Variants in CYP4X1 observed in about 807,000 individuals in gnomAD.
CYP4X1 encodes the protein cytochrome P450 family 4 subfamily X member 1.
CYP4X1 carries 44 observed loss-of-function variants against 57.9 expected under a neutral mutation model. That is an observed-to-expected ratio of 0.76 (90% CI 0.60 to 0.98). The LOEUF (loss-of-function observed/expected upper bound fraction) is 0.98, where lower values mean the gene tolerates loss of function less well. CYP4X1 is among the 50% of genes least tolerant of loss of function. The pLI is 0.00. For missense variants in CYP4X1, 532 were observed against 623.9 expected, an observed-to-expected ratio of 0.85 and a Z score of 1.57; for synonymous variants, 227 against 228.6, an observed-to-expected ratio of 0.99 and a Z score of 0.06.
intron 7 of CYP4X1, among the ~76,000 whole-genome samples, chr1:47,038,980 T>G (rs1340082703): frequency 6.6e-6 from 1 of 152,178 alleles, no homozygotes; most frequent in Non-Finnish European, 1.5e-5. Context: ...AACGAACGAT[T>G]TGACAAGATT....
At chr1:47,043,436 T>C (rs1644268623) in intron 8 of CYP4X1, among the ~76,000 whole-genome samples, 1 of 152,218 alleles carries the variant, frequency 6.6e-6, no homozygotes, top group South Asian at 2.1e-4. Context: ...TTTCTTTTGC[T>C]GTGCAGAAAC....
the CYP4X1 span, among the ~76,000 whole-genome samples, chr1:46,991,463 A>G: frequency 6.6e-6 from 1 of 152,128 alleles, no homozygotes; most frequent in Non-Finnish European, 1.5e-5. Context: ...ACAACTTAGC[A>G]TCTCTCACTG....
chr1:47,047,695 A>G (rs1644317183), intron 9 of CYP4X1, among the ~76,000 whole-genome samples: 1 of 152,090 alleles, frequency 6.6e-6, no homozygotes, highest in African/African-American at 2.4e-5. Context: ...TCTGCCTCCC[A>G]GGTTTAAGCA....
chr1:47,038,270 T>C (rs1005234441), intron 6 of CYP4X1, among the ~76,000 whole-genome samples: 5 of 152,202 alleles, frequency 3.3e-5, no homozygotes, highest in African/African-American at 1.2e-4. Flanking sequence ...TGTTTTGTTT[T>C]TTTTCTCTCA....
At position 47,036,054 on chromosome 1, in the gene CYP4X1, A is replaced by T. The variant is rs1415527019; in HGVS notation, c.658A>T (p.Ser220Cys). ...DPYAKAIFELSKIIFHRLYSL... is the reference protein window; with the variant it reads ...DPYAKAIFELCKIIFHRLYSL... ...TTATGCAAAAGCCATATTTGAACTC[A>T]GCAAAATCATATTTCACCGCTTGTA... The change falls in exon 6 of 12, where the codon AGC becomes TGC. Residue 220 changes from serine (S) to cysteine (C), a missense_variant. Physicochemically the swap from Ser to Cys is moderately radical, Grantham distance 112 (BLOSUM62 -1). Transcript: ENST00000371901. The T allele has an allele frequency of 3.1e-6, 5 of 1,613,544 alleles. No individual in the cohort carries two copies. The Admixed American group carries it at 8.3e-5, about 27-fold the overall frequency.
chr1:46,999,458 T>C, the CYP4X1 span, among the ~76,000 whole-genome samples: 79 of 152,274 alleles, frequency 5.2e-4, no homozygotes, highest in Middle Eastern at 3.4e-3. Flanking sequence ...CAATCTCCTC[T>C]CTTTTTTTCT....
intron 3 of CYP4X1, among the ~76,000 whole-genome samples, chr1:47,032,856 C>T (rs1644138705): frequency 6.6e-6 from 1 of 152,168 alleles, no homozygotes; most frequent in Non-Finnish European, 1.5e-5. Context: ...TTAACCTCCA[C>T]AGCAACACAG....
the CYP4X1 span, among the ~76,000 whole-genome samples, chr1:47,012,022 C>G: frequency 5.9e-5 from 9 of 152,158 alleles, no homozygotes; most frequent in Admixed American, 6.5e-5. Flanking sequence ...GGATCTAGAA[C>G]TAGAAATACC....
the CYP4X1 span, among the ~76,000 whole-genome samples, chr1:47,003,351 T>C: frequency 6.6e-6 from 1 of 152,092 alleles, no homozygotes; most frequent in African/African-American, 2.4e-5. Context: ...GAGCCAGAAA[T>C]TGTCCCCATA....
In CYP4X1 at chr1:47,050,310, T is replaced by C. The variant is rs1278647199; in HGVS notation, c.*136T>C. ...TGGGATAGGGGTCTCTGTGAAGAGATCCAAAATCATTTCTAGGTACACAGT... is the reference window on the plus strand; with the variant it reads ...TGGGATAGGGGTCTCTGTGAAGAGACCCAAAATCATTTCTAGGTACACAGT... On this transcript the variant is annotated 3_prime_UTR_variant, in exon 12 of 12. Coordinates refer to ENST00000371901, the MANE Select transcript of CYP4X1 (RefSeq NM_178033.2). The C allele has an allele frequency of 2.3e-6, 2 of 864,658 alleles. No homozygotes were observed. Among genetic ancestry groups the C allele is most frequent in the Non-Finnish European group, 3.6e-6 (2 of 563,094 alleles). The allele number at this position is 864,658 out of a possible 1,614,324, so 53.6% of individuals were successfully genotyped here.
At chr1:47,009,966 G>A in the CYP4X1 span, among the ~76,000 whole-genome samples, 2 of 152,102 alleles carry the variant, frequency 1.3e-5, no homozygotes, top group African/African-American at 4.8e-5. Context: ...ATTCACAGCC[G>A]AATTCTAGCA....
chr1:47,027,174 GT>G lies in CYP4X1; in HGVS notation c.178-2805del, dbSNP rs372114320. 4.6e-3 allele frequency among the ~76,000 whole-genome samples: 678 copies of G among 147,474 alleles called. 3 individuals are homozygous for G. The highest frequency in any genetic ancestry group is 0.016 in the African/African-American group (634 of 40,494). Reference sequence around the variant, plus strand: ...CACATTCCCTCTTGACTGTCACTAAGTTTTTTTTTTTCTGTTTTTGAGAGGT... The same window carrying G: ...CACATTCCCTCTTGACTGTCACTAAGTTTTTTTTTTCTGTTTTTGAGAGGT... On this transcript the variant is annotated intron_variant, in intron 1 of 11. Coordinates refer to ENST00000371901, the MANE Select transcript of CYP4X1 (RefSeq NM_178033.2).
At chr1:46,972,708 G>C in the CYP4X1 span, among the ~76,000 whole-genome samples, 5 of 152,096 alleles carry the variant, frequency 3.3e-5, no homozygotes. Context: ...TTGTGAATGG[G>C]ATTGCATTTC....
intron 4 of CYP4X1, among the ~76,000 whole-genome samples, chr1:47,034,004 C>A (rs1644151685): frequency 6.6e-6 from 1 of 152,320 alleles, no homozygotes; most frequent in African/African-American, 2.4e-5. Flanking sequence ...AATTGGAAGT[C>A]AAGATGGCAG....
the CYP4X1 span, among the ~76,000 whole-genome samples, chr1:46,962,754 A>G: frequency 5.9e-5 from 9 of 152,170 alleles, no homozygotes; most frequent in African/African-American, 2.2e-4. Flanking sequence ...AGTTCTGTAG[A>G]TATGTATTAG....
the CYP4X1 span, among the ~76,000 whole-genome samples, chr1:46,963,197 C>T: frequency 9.7e-4 from 148 of 152,278 alleles, no homozygotes; most frequent in Middle Eastern, 3.4e-3. Flanking sequence ...TGGGTCTTGA[C>T]TCTTTATCCA....
the CYP4X1 span, among the ~76,000 whole-genome samples, chr1:46,977,656 C>T: frequency 2.0e-5 from 3 of 151,718 alleles, no homozygotes; most frequent in Non-Finnish European, 4.4e-5. Flanking sequence ...ACAAGAGCAC[C>T]CCCAAGACAC....
the CYP4X1 span, among the ~76,000 whole-genome samples, chr1:46,976,359 C>T: frequency 7.2e-4 from 110 of 152,238 alleles, no homozygotes; most frequent in Middle Eastern, 0.014. Context: ...CACAGCAGTC[C>T]GAGATTGAAG....
the CYP4X1 span, among the ~76,000 whole-genome samples, chr1:46,990,970 G>A: frequency 6.6e-6 from 1 of 151,132 alleles, no homozygotes; most frequent in African/African-American, 2.4e-5. Context: ...GATGGGTGCA[G>A]CAAACCACCA....
Sources: allele counts gnomAD v4.1 joint callset (sites outside exome capture counted in the v4.1 genomes callset), GRCh38; gene constraint gnomAD v4.1.1; transcripts MANE v1.5; gene names NCBI Gene and HGNC (gene_info 2026-07-23, HGNC 2026-07-21).